The following TNXB variants were observed in gnomAD, a reference collection of about 807,000 sequenced individuals.
The protein encoded by TNXB is tenascin XB, also known as tenascin-X.
TNXB carries 183 observed loss-of-function variants against 340.5 expected under a neutral mutation model. The ratio of observed to expected loss-of-function variants is 0.54; its 90% CI spans 0.48 to 0.61. The LOEUF is 0.61. TNXB is among the 20% of genes least tolerant of loss of function. The probability of loss-of-function intolerance (pLI) is 0.00; values close to 1 mark genes in which losing one functional copy is unlikely to be tolerated. For synonymous variants in TNXB, 2,121 were observed against 2,314.5 expected (o/e 0.92, Z 2.40); for missense variants, 4,613 against 5,446.4 (o/e 0.85, Z 4.82).
chr6:32,067,835 A>T lies in TNXB; in HGVS notation c.6370T>A (p.Ser2124Thr), dbSNP rs1418429396. The T allele has an allele frequency of 1.2e-6, 2 of 1,613,010 alleles. No individual in the cohort carries two copies. Among genetic ancestry groups the T allele is most frequent in the Non-Finnish European group, 1.7e-6 (2 of 1,179,886 alleles). Residue 2124 changes from serine (S) to threonine (T), a missense_variant, in exon 18 of 44, where the codon TCC (serine) becomes ACC (threonine). Physicochemically the swap from Ser to Thr is moderately conservative, Grantham distance 58 (BLOSUM62 1). Around this residue, in one of 7 missense-constraint regions of TNXB, gnomAD observed 4,327 missense variants for 4,859.4 expected, o/e 0.89. Coordinates refer to ENST00000644971, the MANE Select transcript of TNXB (RefSeq NM_001365276.2). This position sits in a 1 kb window ranked among gnomAD's most constrained non-coding sequence, Gnocchi z 4.2. ...SWTVPQGRFD[S>T]FTVQYKDRDG... ...CTGTCCTTGTACTGCACGGTGAAGG[A>T]GTCGAAGCGGCCCTGGGGGACGGTC... is the stretch of plus-strand genomic sequence containing the variant.
Position 32,084,749 on chromosome 6 carries a change from A to G in TNXB, c.3149-40T>C, listed in dbSNP as rs767642561. On this transcript the variant is annotated intron_variant, in intron 7 of 43. Coordinates refer to ENST00000644971, the MANE Select transcript of TNXB (RefSeq NM_001365276.2). This position sits in a 1 kb window ranked among gnomAD's most constrained non-coding sequence, Gnocchi z 5.5. Reference sequence around the variant, plus strand: ...GCAAAAGCAAAGCATAGTGGACTCAACCGTTCTCTTGTCTGTGTCTCCTTC... The same window carrying G: ...GCAAAAGCAAAGCATAGTGGACTCAGCCGTTCTCTTGTCTGTGTCTCCTTC... The G allele has an allele frequency of 1.3e-6, 2 of 1,492,588 alleles. No homozygotes were observed. Among genetic ancestry groups the G allele is most frequent in the East Asian group, 2.3e-5 (1 of 42,660 alleles). 92.5% of individuals were successfully genotyped at this position (1,492,588 alleles called of 1,614,324 possible). A position where few individuals can be genotyped will look rare whatever the true frequency, so the allele number is the denominator to read the frequency against.
Position 32,048,392 on chromosome 6 carries a change from T to A in TNXB, c.10016A>T (p.His3339Leu). The A allele has an allele frequency of 6.6e-7, 1 of 1,525,008 alleles. No homozygotes were observed. The highest frequency in any genetic ancestry group is 1.9e-5 in the Admixed American group (1 of 51,748). 94.5% of individuals were successfully genotyped at this position (1,525,008 alleles called of 1,614,324 possible). A position where few individuals can be genotyped will look rare whatever the true frequency, so the allele number is the denominator to read the frequency against. Residue 3339 changes from histidine (H) to leucine (L), a missense_variant, in exon 29 of 44, where the codon CAC (histidine) becomes CTC (leucine). This residue lies in a region of TNXB where 4,327 missense variants were observed against 4,859.4 expected (regional missense o/e 0.89). Coordinates refer to ENST00000644971, the MANE Select transcript of TNXB (RefSeq NM_001365276.2). ...LLFGLQNGKRHGPVPVEARTA... is the reference protein window; with the variant it reads ...LLFGLQNGKRLGPVPVEARTA... ...CCTGGCCTCCACAGGGACTGGGCCGTGGCGTTTCCCATTCTGGAGTCCAAA... is the reference window on the plus strand; with the variant it reads ...CCTGGCCTCCACAGGGACTGGGCCGAGGCGTTTCCCATTCTGGAGTCCAAA...
intron 21 of TNXB, among the ~76,000 whole-genome samples, chr6:32,060,310 C>T (rs1222330876): frequency 1.3e-5 from 2 of 148,996 alleles, no homozygotes; most frequent in South Asian, 2.1e-4. Context: ...CCAGCCTGGG[C>T]GACAAGAGCG....
chr6:32,053,776 T>C lies in TNXB; in HGVS notation c.8468-65A>G, dbSNP rs934450301. 5.5e-5 allele frequency: 85 copies of C among 1,556,418 alleles called. No homozygotes were observed. The Middle Eastern group carries it at 8.1e-4, about 15-fold the overall frequency. On this transcript the variant is annotated intron_variant, in intron 24 of 43. Transcript: ENST00000644971. The stretch of plus-strand genomic sequence containing the variant: ...CTCAGTTCAGCATAGAAAGGATGTG[T>C]CACAAAACACAAAGTGCCCAAGAGC...
Position 32,082,291 on chromosome 6 carries a change from G to C in TNXB, c.3481C>G (p.His1161Asp). The C allele has an allele frequency of 1.2e-6, 2 of 1,600,902 alleles. No individual in the cohort carries two copies. The highest frequency in any genetic ancestry group is 1.7e-6 in the Non-Finnish European group (2 of 1,172,494). The stretch of plus-strand genomic sequence containing the variant: ...TCTGTCACCCACAGGTTTCCCAGGT[G>C]GGGTGGAGTCCCTGGACTTGGGTCA... Reference protein sequence around the residue: ...QSDPSPGTPPHLGNLWVTDPT... With the variant: ...QSDPSPGTPPDLGNLWVTDPT... Residue 1161 changes from histidine to aspartate, a missense_variant, in exon 9 of 44, where the codon CAC becomes GAC. By Grantham distance (81) the His-to-Asp change is moderately conservative. Coordinates refer to ENST00000644971, the MANE Select transcript of TNXB (RefSeq NM_001365276.2). This position sits in a 1 kb window ranked among gnomAD's most constrained non-coding sequence, Gnocchi z 5.0.
chr6:32,070,377 G>A lies in TNXB; in HGVS notation c.5028C>T (p.Arg1676=), dbSNP rs368058720. 276 of 1,600,634 alleles carry A rather than the reference G, an allele frequency of 1.7e-4. 2 individuals carry two copies. The highest frequency in any genetic ancestry group is 1.3e-4 in the Non-Finnish European group (157 of 1,172,664). ...GGTCTGTCACCCACAGCTCCCCAAG[G>A]CGGGGTGGGGCCCCTGGGCTGGCGT... The part of the protein sequence containing the change: ...RGDASPGAPP[R]LGELWVTDPT... Residue 1676 remains arginine, a synonymous_variant, in exon 14 of 44, where the codon CGC becomes CGT. Transcript: ENST00000644971. The surrounding 1 kb of genome is among the most constrained non-coding windows in gnomAD (Gnocchi z 6.0).
chr6:32,097,700 G>T lies in TNXB; in HGVS notation c.403+96C>A. On this transcript the variant is annotated intron_variant, in intron 2 of 43. Transcript: ENST00000644971. The surrounding 1 kb of genome is among the most constrained non-coding windows in gnomAD (Gnocchi z 5.9). The stretch of plus-strand genomic sequence containing the variant: ...CATCCACACCCCTCATGGTGAGGAA[G>T]GAGTGCCTTCTTCTAATTCATACCA... 2 of 1,358,048 alleles carry T rather than the reference G, an allele frequency of 1.5e-6. No individual in the cohort carries two copies. The highest frequency in any genetic ancestry group is 1.6e-5 in the South Asian group (1 of 62,768). The allele number at this position is 1,358,048 out of a possible 1,614,324, so 84.1% of individuals were successfully genotyped here. A position where few individuals can be genotyped will look rare whatever the true frequency, so the allele number is the denominator to read the frequency against.
At position 32,058,342 on chromosome 6, in the gene TNXB, G is replaced by C. The variant is rs776980915; in HGVS notation, c.7541C>G (p.Thr2514Arg). The C allele has an allele frequency of 5.6e-6, 9 of 1,611,686 alleles. No individual in the cohort carries two copies. The highest frequency in any genetic ancestry group is 1.1e-5 in the South Asian group (1 of 91,078). ...CTCCTCGGGGGGCCCTGGGGCCTCT[G>C]TGCCTGGTTCTGTAGGGCTGGGGGT... ...DETPSPTEPGTEAPGPPEEPL... is the reference protein window; with the variant it reads ...DETPSPTEPGREAPGPPEEPL... Residue 2514 changes from threonine (T) to arginine (R), a missense_variant, in exon 22 of 44, where the codon ACA (threonine) becomes AGA (arginine). Around this residue, in one of 7 missense-constraint regions of TNXB, gnomAD observed 4,327 missense variants for 4,859.4 expected, o/e 0.89. Coordinates refer to ENST00000644971, the MANE Select transcript of TNXB (RefSeq NM_001365276.2). The surrounding 1 kb of genome is among the most constrained non-coding windows in gnomAD (Gnocchi z 5.1).
chr6:32,059,418 C>CAAAAAA (rs571985819), intron 21 of TNXB, among the ~76,000 whole-genome samples: 2 of 36,466 alleles, frequency 5.5e-5, no homozygotes, highest in Non-Finnish European at 1.1e-4. Context: ...GACTCAGTCT[C>CAAAAAA]AAAAAAAAAA....
chr6:32,098,293 AC>A, intron 1 of TNXB, 87 bp from the exon 2 acceptor site: 1 of 1,138,936 alleles, frequency 8.8e-7, no homozygotes, highest in Non-Finnish European at 1.2e-6. Flanking sequence ...CCACGGTCCC[AC>A]CACCCACAAG....
At position 32,046,434 on chromosome 6, in the gene TNXB, A is replaced by T. The variant is rs752380321; in HGVS notation, c.10347T>A (p.Pro3449=). 6.3e-7 allele frequency: 1 copy of T among 1,575,416 alleles called. No individual in the cohort carries two copies. The highest frequency in any genetic ancestry group is 1.7e-5 in the Admixed American group (1 of 59,192). The change falls in exon 31 of 44, where the codon CCT becomes CCA. Residue 3449 remains proline, a synonymous_variant. Coordinates refer to ENST00000644971, the MANE Select transcript of TNXB (RefSeq NM_001365276.2). This position sits in a 1 kb window ranked among gnomAD's most constrained non-coding sequence, Gnocchi z 6.9. Reference sequence around the variant, plus strand: ...CCACGGTCAGTTCCCCCAGGTGGGGAGGTAGCTCCTTCTCCAGGGGAGCTG... The same window carrying T: ...CCACGGTCAGTTCCCCCAGGTGGGGTGGTAGCTCCTTCTCCAGGGGAGCTG... ...STTAPLEKEL[P]PHLGELTVAE...
rs1776637612 is a variant in TNXB at position 32,043,903 on chromosome 6, T to C, written c.11387-11A>G. 6.2e-7 allele frequency: 1 copy of C among 1,613,234 alleles called. No homozygotes were observed. The highest frequency in any genetic ancestry group is 8.5e-7 in the Non-Finnish European group (1 of 1,179,936). On this transcript the variant is annotated splice_polypyrimidine_tract_variant and intron_variant, in intron 34 of 43. Transcript: ENST00000644971. The stretch of plus-strand genomic sequence containing the variant: ...CACTCTGAGGCTCCCCTGAAAACAT[T>C]GGGGATCGAGGGTTACCCAGGGAAC...
intron 25 of TNXB, 147 bp from the exon 26 acceptor site, chr6:32,053,140 C>T (rs1777399990): frequency 4.5e-6 from 5 of 1,108,944 alleles, no homozygotes; most frequent in Non-Finnish European, 5.0e-6. Flanking sequence ...TGGTCTTGCT[C>T]AGTTTACAGT....
At position 32,087,943 on chromosome 6, in the gene TNXB, G is replaced by C; in HGVS notation, c.2779+842C>G. 1 of 312,704 alleles carries C rather than the reference G, an allele frequency of 3.2e-6. No individual in the cohort carries two copies. The highest frequency in any genetic ancestry group is 6.2e-6 in the Non-Finnish European group (1 of 161,186). 19.4% of individuals were successfully genotyped at this position (312,704 alleles called of 1,614,324 possible). On this transcript the variant is annotated intron_variant, in intron 6 of 43. Transcript: ENST00000644971. The surrounding 1 kb of genome is among the most constrained non-coding windows in gnomAD (Gnocchi z 9.0). ...TGGGGCTGGCCGGGGCCGGGACTTG[G>C]GGGGCGGGGCTGGGGGGCGCACCTC...
chr6:32,106,178 T>C (rs1404595175), intron 1 of TNXB, among the ~76,000 whole-genome samples: 6 of 151,824 alleles, frequency 4.0e-5, no homozygotes, highest in African/African-American at 1.5e-4. Context: ...TTTCTTGATC[T>C]GGATGACGGT....
Position 32,062,166 on chromosome 6 carries a change from C to A in TNXB, c.7159G>T (p.Gly2387Trp). ...GQRVGPVSAI[G>W]VTAAEEETPS... ...CCCATCGTCCACTCACCTGTCACCC[C>A]GATGGCAGACACGGGGCCCACACGC... Residue 2387 changes from glycine to tryptophan, a missense_variant, in exon 20 of 44, where the codon GGG (glycine) becomes TGG (tryptophan). Physicochemically the swap from Gly to Trp is radical, Grantham distance 184 (BLOSUM62 -2). This residue lies in a region of TNXB where 4,327 missense variants were observed against 4,859.4 expected (regional missense o/e 0.89). Transcript: ENST00000644971. This position sits in a 1 kb window ranked among gnomAD's most constrained non-coding sequence, Gnocchi z 4.3. 3 of 1,610,728 alleles carry A rather than the reference C, an allele frequency of 1.9e-6. No homozygotes were observed. The highest frequency in any genetic ancestry group is 2.5e-6 in the Non-Finnish European group (3 of 1,178,016).
intron 18 of TNXB, among the ~76,000 whole-genome samples, chr6:32,066,682 T>G (rs1778357194): frequency 6.6e-6 from 1 of 152,238 alleles, no homozygotes; most frequent in African/African-American, 2.4e-5. Context: ...TGGTGATGGC[T>G]GCACAAGTAG....
In TNXB at chr6:32,067,941, C is replaced by T; in HGVS notation, c.6264G>A (p.Glu2088=). 6.2e-7 allele frequency: 1 copy of T among 1,612,544 alleles called. No individual in the cohort carries two copies. Among genetic ancestry groups the T allele is most frequent in the South Asian group, 1.1e-5 (1 of 91,052 alleles). Residue 2088 remains glutamate (E), a synonymous_variant, in exon 18 of 44, where the codon GAG becomes GAA. Transcript: ENST00000644971. The surrounding 1 kb of genome is among the most constrained non-coding windows in gnomAD (Gnocchi z 4.2). ...GCGGCTCCTCAGCGGGCTCCGGGGCCTCCATGCTGGGTTCTGTGGGGCTGG... is the reference window on the plus strand; with the variant it reads ...GCGGCTCCTCAGCGGGCTCCGGGGCTTCCATGCTGGGTTCTGTGGGGCTGG... The part of the protein sequence containing the change: ...ETPSPTEPSM[E]APEPAEEPLL...
rs760274566 is a variant in TNXB at position 32,047,984 on chromosome 6, C to T, written c.10074G>A (p.Leu3358=). Residue 3358 remains leucine, a synonymous_variant, in exon 30 of 44, where the codon CTG becomes CTA. Transcript: ENST00000644971. The surrounding 1 kb of genome is among the most constrained non-coding windows in gnomAD (Gnocchi z 6.2). ...TCGCATCTGTCACAGTCAGCTCCCC[C>T]AGGCGGGGAGACGGTTTGGTGTCTG... The part of the protein sequence containing the change: ...TAPDTKPSPR[L]GELTVTDATP... The T allele has an allele frequency of 6.2e-6, 10 of 1,609,632 alleles. No individual in the cohort carries two copies. The African/African-American group carries it at 1.2e-4, about 19-fold the overall frequency.
Sources: allele counts gnomAD v4.1 joint callset (sites outside exome capture counted in the v4.1 genomes callset), GRCh38; gene constraint gnomAD v4.1.1; regional missense constraint gnomAD v4.1.1; non-coding constraint Gnocchi (gnomAD v3.1); transcripts MANE v1.5; gene names NCBI Gene and HGNC (gene_info 2026-07-23, HGNC 2026-07-21).